The following GALNT1 variants were observed in gnomAD, a reference collection of about 807,000 sequenced individuals.
GALNT1 encodes the protein polypeptide N-acetylgalactosaminyltransferase 1.
A neutral mutation model predicts 65.7 loss-of-function variants in GALNT1; 17 were observed. The observed-to-expected ratio is 0.26, with a 90% CI of 0.18 to 0.39. The LOEUF is 0.39. Among genes scored for constraint, GALNT1 ranks in the 10% least tolerant of loss-of-function variants. GALNT1 has a pLI of 1.00. For synonymous variants in GALNT1, 210 were observed against 219.7 expected (o/e 0.96, Z 0.39); for missense variants, 460 against 672.8 (o/e 0.68, Z 3.50).
chr18:35,705,986 C>G (rs1327203904), intron 11 of GALNT1, among the ~76,000 whole-genome samples: 1 of 152,196 alleles, frequency 6.6e-6, no homozygotes, highest in Non-Finnish European at 1.5e-5. Flanking sequence ...CTGGAACCCC[C>G]TTAGCAGGCT....
intron 1 of GALNT1, among the ~76,000 whole-genome samples, chr18:35,602,000 T>C (rs2143962435): frequency 6.6e-6 from 1 of 152,364 alleles, no homozygotes; most frequent in African/African-American, 2.4e-5. Flanking sequence ...TTTTTGCACA[T>C]CAGCATCCTT....
intron 1 of GALNT1, among the ~76,000 whole-genome samples, chr18:35,631,055 G>C (rs1247251523): frequency 1.3e-5 from 2 of 152,290 alleles, no homozygotes; most frequent in Non-Finnish European, 1.5e-5. Context: ...AATTGAGGCA[G>C]TAATTAATAG....
chr18:35,654,537 T>G (rs1568024987), intron 1 of GALNT1, 23 bp from the exon 2 acceptor site: 2 of 371,998 alleles, frequency 5.4e-6, no homozygotes, highest in Non-Finnish European at 8.6e-6. Flanking sequence ...TAAGTTAATC[T>G]TTTTTCCTTT....
rs141077335 is a variant in GALNT1, at chr18:35,699,829, A to G, written c.1300-3068A>G. Reference sequence around the variant, plus strand: ...CAACCCAAATACCTATTTTCATCCCAGTATAAACTTGAAACAAGTATGTGT... The same window carrying G: ...CAACCCAAATACCTATTTTCATCCCGGTATAAACTTGAAACAAGTATGTGT... On this transcript the variant is annotated intron_variant, in intron 9 of 11. Coordinates refer to ENST00000269195, the MANE Select transcript of GALNT1 (RefSeq NM_020474.4). Among the ~76,000 whole-genome samples, 437 of 152,320 alleles carry G rather than the reference A, an allele frequency of 2.9e-3. 1 individual carries two copies. The highest frequency in any genetic ancestry group is 9.7e-3 in the African/African-American group (404 of 41,568).
intron 1 of GALNT1, among the ~76,000 whole-genome samples, chr18:35,606,733 A>G (rs2046652112): frequency 6.6e-6 from 1 of 151,328 alleles, no homozygotes; most frequent in Non-Finnish European, 1.5e-5. Context: ...TTTTGATTTC[A>G]GTTGTGACAT....
In GALNT1 at chr18:35,664,072, C is replaced by T. The variant is rs1159809804; in HGVS notation, c.314+270C>T. 4 of 380,084 alleles carry T rather than the reference C, an allele frequency of 1.1e-5. No homozygotes were observed. The East Asian group carries it at 1.9e-4, about 18-fold the overall frequency. The allele number at this position is 380,084 out of a possible 1,614,324, so 23.5% of individuals were successfully genotyped here. A position where few individuals can be genotyped will look rare whatever the true frequency, so the allele number is the denominator to read the frequency against. On this transcript the variant is annotated intron_variant, in intron 3 of 11. Coordinates refer to ENST00000269195, the MANE Select transcript of GALNT1 (RefSeq NM_020474.4). ...TAAACTTTATTATTACCAAAATACT[C>T]ACATACTCAACTTTTTACAAAAAGA...
intron 1 of GALNT1, among the ~76,000 whole-genome samples, chr18:35,648,797 G>A (rs1352079580): frequency 6.6e-6 from 1 of 152,152 alleles, no homozygotes; most frequent in African/African-American, 2.4e-5. Context: ...AGTTGTATAA[G>A]TTTATACAGT....
In GALNT1 at chr18:35,663,639, G is replaced by A. The variant is rs572266534; in HGVS notation, c.151G>A (p.Val51Ile). ...GLPAGDVLEP[V>I]QKPHEGPGEM... ...CTTCCTATTCTTAGTTCTAGAGCCA[G>A]TACAAAAGCCTCATGAAGGTCCTGG... The change falls in exon 3 of 12, where the codon GTA (valine) becomes ATA (isoleucine). Residue 51 changes from valine (V) to isoleucine (I), a missense_variant. Physicochemically the swap from Val to Ile is conservative, Grantham distance 29. Coordinates refer to ENST00000269195, the MANE Select transcript of GALNT1 (RefSeq NM_020474.4). The A allele has an allele frequency of 3.7e-6, 6 of 1,612,262 alleles. No homozygotes were observed. The South Asian group carries it at 4.4e-5, about 12-fold the overall frequency.
chr18:35,615,073 G>C (rs1435385521), intron 1 of GALNT1, among the ~76,000 whole-genome samples: 1 of 151,760 alleles, frequency 6.6e-6, no homozygotes, highest in Non-Finnish European at 1.5e-5. Context: ...CACCCAGCAG[G>C]GTATGGTTTT....
rs147855796 is a variant in GALNT1, at chr18:35,620,549, G to T, written c.-103-34011G>T. Among the ~76,000 whole-genome samples, 246 of 152,208 alleles carry T rather than the reference G, an allele frequency of 1.6e-3. 7 individuals are homozygous for T. The East Asian group carries it at 0.046, about 28-fold the overall frequency. The stretch of plus-strand genomic sequence containing the variant: ...AAACAACCACTAGTAAGAATTTGGT[G>T]TATTATCCTCATGCATATTATTCTC... On this transcript the variant is annotated intron_variant, in intron 1 of 11. Coordinates refer to ENST00000269195, the MANE Select transcript of GALNT1 (RefSeq NM_020474.4).
At chr18:35,661,492 T>C (rs2144443636) in intron 2 of GALNT1, among the ~76,000 whole-genome samples, 1 of 150,316 alleles carries the variant, frequency 6.7e-6, no homozygotes, top group African/African-American at 2.5e-5. Flanking sequence ...AGAGCGAGAC[T>C]CTGTCTTAAA....
At position 35,710,568 on chromosome 18, in the gene GALNT1, T is replaced by A. The variant is rs1372407714; in HGVS notation, c.*798T>A. On this transcript the variant is annotated 3_prime_UTR_variant, in exon 12 of 12. Coordinates refer to ENST00000269195, the MANE Select transcript of GALNT1 (RefSeq NM_020474.4). ...TTGGAATTGTAATTTTTAATTGCCT[T>A]CTAAAAAATGGAAATTTAACAATGT... is the stretch of plus-strand genomic sequence containing the variant. 6.6e-6 allele frequency: 1 copy of A among 152,330 alleles called. No homozygotes were observed. Among genetic ancestry groups the A allele is most frequent in the Non-Finnish European group, 1.5e-5 (1 of 68,030 alleles). The allele number at this position is 152,330 out of a possible 1,614,324, so 9.4% of individuals were successfully genotyped here. A position where few individuals can be genotyped will look rare whatever the true frequency, so the allele number is the denominator to read the frequency against.
rs746061435 is a variant in GALNT1 at position 35,663,802 on chromosome 18, G to T, written c.314G>T (p.Gly105Val). Residue 105 changes from glycine (G) to valine (V), a missense_variant and splice_region_variant, in exon 3 of 12, where the codon GGG (glycine) becomes GTG (valine). Physicochemically the swap from Gly to Val is moderately radical, Grantham distance 109. Transcript: ENST00000269195. The stretch of plus-strand genomic sequence containing the variant: ...TCTTTACCAGATGTTAGGTTAGAAG[G>T]GTAAGTACTTACTGTGGTCCTGATA... Reference protein sequence around the residue: ...NRSLPDVRLEGCKTKVYPDNL... With the variant: ...NRSLPDVRLEVCKTKVYPDNL... 22 of 1,612,638 alleles carry T rather than the reference G, an allele frequency of 1.4e-5. No individual in the cohort carries two copies. In the South Asian group the frequency reaches 2.3e-4, roughly 17 times the overall value.
At chr18:35,647,933 G>A (rs926157659) in intron 1 of GALNT1, among the ~76,000 whole-genome samples, 3 of 152,018 alleles carry the variant, frequency 2.0e-5, no homozygotes, top group African/African-American at 4.8e-5. Context: ...TGTAATCCCA[G>A]CAGTTTGGGA....
chr18:35,667,158 A>G (rs543954038), intron 3 of GALNT1, among the ~76,000 whole-genome samples: 78 of 152,256 alleles, frequency 5.1e-4, no homozygotes, highest in Non-Finnish European at 1.0e-3. Context: ...ATCTTGCACT[A>G]AGATTGGTCT....
chr18:35,649,138 CT>C (rs1196953968), intron 1 of GALNT1, among the ~76,000 whole-genome samples: 1 of 152,210 alleles, frequency 6.6e-6, no homozygotes, highest in Non-Finnish European at 1.5e-5. Context: ...AGAAACTCCC[CT>C]GTTTTCCAGA....
chr18:35,670,609 T>C (rs930793820), intron 3 of GALNT1, among the ~76,000 whole-genome samples: 2 of 152,234 alleles, frequency 1.3e-5, no homozygotes, highest in Admixed American at 6.5e-5. Context: ...GTGCCAATCA[T>C]AACCACGTAT....
chr18:35,604,506 G>C (rs1050467622), intron 1 of GALNT1, among the ~76,000 whole-genome samples: 1 of 152,168 alleles, frequency 6.6e-6, no homozygotes, highest in Non-Finnish European at 1.5e-5. Context: ...GCTTTCCACA[G>C]TGACTGACCT....
chr18:35,619,036 G>A (rs948366804), intron 1 of GALNT1, among the ~76,000 whole-genome samples: 2 of 152,140 alleles, frequency 1.3e-5, no homozygotes, highest in Non-Finnish European at 2.9e-5. Flanking sequence ...AGAAAACACA[G>A]CAACTTAAAA....
Sources: allele counts gnomAD v4.1 joint callset (sites outside exome capture counted in the v4.1 genomes callset), GRCh38; gene constraint gnomAD v4.1.1; transcripts MANE v1.5; gene names NCBI Gene and HGNC (gene_info 2026-07-23, HGNC 2026-07-21).